CA10: variants seen among roughly 807,000 people sequenced by gnomAD.
The protein encoded by CA10 is carbonic anhydrase-related protein 10.
A neutral mutation model predicts 44.2 loss-of-function variants in CA10; 14 were observed. The observed-to-expected ratio is 0.32, with a 90% confidence interval of 0.21 to 0.50. The LOEUF (loss-of-function observed/expected upper bound fraction) is 0.50, where lower values mean the gene tolerates loss of function less well. CA10 is among the 20% of genes least tolerant of loss of function. The pLI is 0.99. For missense variants in CA10, 350 were observed against 409.7 expected (o/e 0.85, Z 1.26); for synonymous variants, 159 against 141.6 (o/e 1.12, Z -0.87).
intron 4 of CA10, among the ~76,000 whole-genome samples, chr17:51,680,411 T>C (rs924666722): frequency 1.8e-4 from 27 of 152,340 alleles, no homozygotes; most frequent in African/African-American, 5.8e-4. Context: ...AAAGAAACTC[T>C]GGTTCCCAGC....
In CA10 at chr17:51,720,225, T is replaced by C. The variant is rs565349783; in HGVS notation, c.465+27408A>G. 4.6e-5 allele frequency among the ~76,000 whole-genome samples: 7 copies of C among 152,344 alleles called. 1 individual carries two copies. In the South Asian group the frequency reaches 1.5e-3, roughly 32 times the overall value. On this transcript the variant is annotated intron_variant, in intron 4 of 8. Transcript: ENST00000451037. ...CTATTGAGTAATCTATGCAATAGGT[T>C]CCTGCCATCTTTGGAAACCTACTGC...
chr17:52,150,297 G>A (rs1314327028), intron 1 of CA10, among the ~76,000 whole-genome samples: 3 of 152,136 alleles, frequency 2.0e-5, no homozygotes, highest in African/African-American at 7.2e-5. Flanking sequence ...CTTTCAGGAT[G>A]AGTCAGATGT....
At chr17:51,876,160 G>GTTTTTTTT (rs3033579) in intron 3 of CA10, among the ~76,000 whole-genome samples, 1 of 59,760 alleles carries the variant, frequency 1.7e-5, no homozygotes, top group African/African-American at 7.6e-5. Context: ...TTCTTCTCTC[G>GTTTTTTTT]TTTTTTTTTT....
At chr17:51,758,984 G>A (rs1398307423) in intron 3 of CA10, among the ~76,000 whole-genome samples, 1 of 152,164 alleles carries the variant, frequency 6.6e-6, no homozygotes, top group Admixed American at 6.5e-5. Context: ...CTTCTCTTAA[G>A]TGTCAACAAG....
intron 3 of CA10, among the ~76,000 whole-genome samples, chr17:51,926,530 T>A (rs1357974731): frequency 1.3e-5 from 2 of 152,170 alleles, no homozygotes; most frequent in Non-Finnish European, 2.9e-5. Context: ...AAATCTGAAA[T>A]CAGTTTTGCT....
intron 2 of CA10, among the ~76,000 whole-genome samples, chr17:52,008,703 G>A (rs1372482844): frequency 6.6e-6 from 1 of 151,772 alleles, no homozygotes; most frequent in African/African-American, 2.4e-5. Context: ...GTAGATCTTA[G>A]ATACATAAAG....
chr17:51,671,769 C>A (rs1299464092), intron 4 of CA10, among the ~76,000 whole-genome samples: 1 of 152,206 alleles, frequency 6.6e-6, no homozygotes, highest in African/African-American at 2.4e-5. Context: ...GCTGTAATTT[C>A]TGTTAGTGGA....
chr17:52,072,215 A>C (rs572972232), intron 2 of CA10, 104 bp downstream of exon 2: 33 of 772,090 alleles, frequency 4.3e-5, no homozygotes, highest in Non-Finnish European at 2.1e-6. Flanking sequence ...TTGCACACAT[A>C]AATTAGACTG....
chr17:52,051,532 A>G (rs1479821287), intron 2 of CA10, among the ~76,000 whole-genome samples: 2 of 152,088 alleles, frequency 1.3e-5, no homozygotes, highest in Admixed American at 6.6e-5. Context: ...ACAAGTCTAC[A>G]AAAAATAGCT....
chr17:51,773,011 C>A (rs375426265), intron 3 of CA10, among the ~76,000 whole-genome samples: 3 of 152,280 alleles, frequency 2.0e-5, no homozygotes, highest in African/African-American at 7.2e-5. Flanking sequence ...TGCACACCAG[C>A]AAGTGATCCC....
At chr17:52,118,818 A>AT (rs1250745931) in intron 1 of CA10, among the ~76,000 whole-genome samples, 3 of 151,932 alleles carry the variant, frequency 2.0e-5, no homozygotes, top group Admixed American at 6.6e-5. Flanking sequence ...CTACCCTAGA[A>AT]TTTTTTTTAT....
At chr17:51,813,792 C>T (rs1907464162) in intron 3 of CA10, among the ~76,000 whole-genome samples, 1 of 152,104 alleles carries the variant, frequency 6.6e-6, no homozygotes, top group Non-Finnish European at 1.5e-5. Context: ...TCATGGGAAG[C>T]AGGTATTATA....
intron 3 of CA10, among the ~76,000 whole-genome samples, chr17:51,900,612 G>A (rs2143929637): frequency 6.6e-6 from 1 of 152,280 alleles, no homozygotes; most frequent in South Asian, 2.1e-4. Flanking sequence ...ATATCTTCAA[G>A]TATATTTTCC....
At chr17:51,743,875 G>T (rs1050645995) in intron 4 of CA10, among the ~76,000 whole-genome samples, 1 of 152,142 alleles carries the variant, frequency 6.6e-6, no homozygotes, top group Non-Finnish European at 1.5e-5. Flanking sequence ...CCAGATTCGC[G>T]CAATCTACCC....
intron 2 of CA10, among the ~76,000 whole-genome samples, chr17:51,970,433 G>A (rs1984240208): frequency 6.6e-6 from 1 of 151,986 alleles, no homozygotes; most frequent in Admixed American, 6.6e-5. Context: ...AGAATGGAAA[G>A]TCTAAAAATC....
At chr17:51,899,284 A>C (rs1269100713) in intron 3 of CA10, among the ~76,000 whole-genome samples, 1 of 151,948 alleles carries the variant, frequency 6.6e-6, no homozygotes, top group African/African-American at 2.4e-5. Context: ...TTTTCAAAGA[A>C]TTTTTTACCT....
chr17:51,858,913 G>A lies in CA10; in HGVS notation c.279+72077C>T, dbSNP rs974105811. ...GATCTGCCTATTAATCCCTATGGGA[G>A]CAGGTCACTTAGCCTATCAAAGTCT... is the stretch of plus-strand genomic sequence containing the variant. On this transcript the variant is annotated intron_variant, in intron 3 of 8. Transcript: ENST00000451037. 3.3e-5 allele frequency among the ~76,000 whole-genome samples: 5 copies of A among 151,982 alleles called. 1 individual carries two copies. The highest frequency in any genetic ancestry group is 9.7e-5 in the African/African-American group (4 of 41,394).
intron 3 of CA10, among the ~76,000 whole-genome samples, chr17:51,854,979 A>T (rs922235651): frequency 2.0e-5 from 3 of 152,298 alleles, no homozygotes; most frequent in African/African-American, 7.2e-5. Flanking sequence ...AGGTAACTCC[A>T]GAGTCAGTGC....
chr17:52,119,954 T>G (rs954655106), intron 1 of CA10, among the ~76,000 whole-genome samples: 1 of 152,182 alleles, frequency 6.6e-6, no homozygotes, highest in Non-Finnish European at 1.5e-5. Flanking sequence ...ATGAGTAATG[T>G]AAAAATCTGG....
Sources: gnomAD v4.1 joint callset for allele counts (sites outside exome capture counted in the v4.1 genomes callset) on GRCh38, gnomAD v4.1.1 for gene constraint, MANE v1.5 for transcripts, NCBI Gene and HGNC (gene_info 2026-07-23, HGNC 2026-07-21) for gene names.